Variants in ZNF469 observed in about 807,000 individuals in gnomAD.
ZNF469 encodes the protein zinc finger protein 469.
Under a neutral mutation model 1.0 loss-of-function variants are expected in ZNF469, and 1 was observed. The ratio of observed to expected loss-of-function variants is 1.00; its 90% CI spans 0.35 to 4.73. ZNF469 has a LOEUF of 4.73. Ranked by LOEUF, ZNF469 falls within the 30% of genes most tolerant of loss-of-function variation. The pLI, the probability that ZNF469 is intolerant of heterozygous loss-of-function variation, is 0.16. For missense variants in ZNF469, 6,100 were observed against 5,356.3 expected (o/e 1.14, Z -4.33); for synonymous variants, 2,703 against 2,363.4 (o/e 1.14, Z -4.17).
the ZNF469 span, among the ~76,000 whole-genome samples, chr16:88,359,804 T>G: frequency 6.6e-6 from 1 of 152,358 alleles, no homozygotes; most frequent in South Asian, 2.1e-4. Flanking sequence ...GAAAGAATTC[T>G]ACAGTGATGA....
chr16:88,242,364 G>A, the ZNF469 span, among the ~76,000 whole-genome samples: 4 of 152,334 alleles, frequency 2.6e-5, no homozygotes, highest in African/African-American at 9.6e-5. Context: ...CCGAGTCAGG[G>A]TGCCGGCAAG....
chr16:88,330,114 T>A, the ZNF469 span, among the ~76,000 whole-genome samples: 1 of 152,264 alleles, frequency 6.6e-6, no homozygotes, highest in African/African-American at 2.4e-5. Context: ...CTTCTGACTT[T>A]CGGTTAGAGC....
the ZNF469 span, among the ~76,000 whole-genome samples, chr16:88,164,555 C>T: frequency 6.6e-6 from 1 of 152,128 alleles, no homozygotes; most frequent in East Asian, 1.9e-4. Context: ...GGTATGTGGC[C>T]TGAACCTCGC....
chr16:88,229,689 C>CGT, the ZNF469 span, among the ~76,000 whole-genome samples: 21 of 151,032 alleles, frequency 1.4e-4, no homozygotes, highest in South Asian at 4.2e-3. Context: ...TGATGCCATA[C>CGT]GTGTGGATGT....
the ZNF469 span, among the ~76,000 whole-genome samples, chr16:88,152,338 G>C: frequency 6.6e-6 from 1 of 152,236 alleles, no homozygotes; most frequent in African/African-American, 2.4e-5. The surrounding 1 kb of genome is among the most constrained non-coding windows in gnomAD (Gnocchi z 4.2). Flanking sequence ...ACACGCTCTG[G>C]TTTCCATAGC....
the ZNF469 span, among the ~76,000 whole-genome samples, chr16:88,286,635 A>G: frequency 1.3e-5 from 2 of 152,256 alleles, no homozygotes; most frequent in Non-Finnish European, 2.9e-5. Flanking sequence ...TTCTGCATTC[A>G]GTGCTGACAA....
the ZNF469 span, among the ~76,000 whole-genome samples, chr16:88,290,918 G>C: frequency 2.0e-5 from 3 of 152,182 alleles, no homozygotes; most frequent in Non-Finnish European, 4.4e-5. Flanking sequence ...TCCTGTGTGG[G>C]TTTAAACCCA....
chr16:88,133,856 G>C, the ZNF469 span, among the ~76,000 whole-genome samples: 9 of 152,328 alleles, frequency 5.9e-5, no homozygotes, highest in South Asian at 1.9e-3. Flanking sequence ...CACTGTGGGA[G>C]GCCGAGGCGG....
At chr16:88,179,245 C>G in the ZNF469 span, among the ~76,000 whole-genome samples, 1 of 152,204 alleles carries the variant, frequency 6.6e-6, no homozygotes, top group Non-Finnish European at 1.5e-5. Context: ...GGTCAAGGGT[C>G]AGGTCCCTCA....
rs1455652900 is a variant in ZNF469, at chr16:88,427,931, A to G, written c.461A>G (p.Gln154Arg). The change falls in exon 3 of 3, where the codon CAG becomes CGG. Residue 154 changes from glutamine to arginine, a missense_variant. Physicochemically the swap from Gln to Arg is conservative, Grantham distance 43. Coordinates refer to ENST00000565624, the MANE Select transcript of ZNF469 (RefSeq NM_001367624.2). Reference protein sequence around the residue: ...AAQLPEVDTPQGPGTGAPLRP... With the variant: ...AAQLPEVDTPRGPGTGAPLRP... ...CAGCTCCCTGAGGTGGACACCCCCC[A>G]GGGCCCTGGGACTGGAGCTCCACTC... 11 of 1,549,750 alleles carry G rather than the reference A, an allele frequency of 7.1e-6. No homozygotes were observed. The highest frequency in any genetic ancestry group is 9.6e-6 in the Non-Finnish European group (11 of 1,146,852).
the ZNF469 span, among the ~76,000 whole-genome samples, chr16:88,121,526 G>A: frequency 6.6e-6 from 1 of 152,180 alleles, no homozygotes; most frequent in Non-Finnish European, 1.5e-5. Context: ...TGGCCAGATG[G>A]GCCCTTGAAG....
the ZNF469 span, among the ~76,000 whole-genome samples, chr16:88,159,312 T>C: frequency 6.6e-6 from 1 of 152,072 alleles, no homozygotes. Context: ...CTGCAGATTG[T>C]GGAAAAGATC....
chr16:88,344,670 A>G, the ZNF469 span, among the ~76,000 whole-genome samples: 2 of 152,318 alleles, frequency 1.3e-5, no homozygotes, highest in Admixed American at 1.3e-4. Context: ...GCCTGTGACC[A>G]CAGCTGTGCA....
At chr16:88,169,701 C>T in the ZNF469 span, among the ~76,000 whole-genome samples, 7 of 152,206 alleles carry the variant, frequency 4.6e-5, no homozygotes, top group African/African-American at 9.7e-5. The surrounding 1 kb of genome is among the most constrained non-coding windows in gnomAD (Gnocchi z 6.1). Flanking sequence ...TTACATTGGC[C>T]GTCTGCCCCT....
At chr16:88,121,901 A>G in the ZNF469 span, among the ~76,000 whole-genome samples, 19 of 152,212 alleles carry the variant, frequency 1.2e-4, no homozygotes, top group Non-Finnish European at 1.2e-4. Flanking sequence ...GCGTACAGAG[A>G]TGGTGCGTCC....
In ZNF469 at chr16:88,435,742, C is replaced by T. The variant is rs1303816262; in HGVS notation, c.8272C>T (p.Pro2758Ser). Residue 2758 changes from proline (P) to serine (S), a missense_variant, in exon 3 of 3, where the codon CCA becomes TCA. Pro to Ser is a moderately conservative substitution (Grantham distance 74, BLOSUM62 -1). Transcript: ENST00000565624. ...KGASARGFWG[P>S]RETKALGVCK... ...AGCCTCGGCAAGGGGGTTCTGGGGA[C>T]CAAGAGAGACCAAGGCGTTGGGTGT... 1.9e-6 allele frequency: 3 copies of T among 1,550,654 alleles called. No individual in the cohort carries two copies. Among genetic ancestry groups the T allele is most frequent in the African/African-American group, 2.7e-5 (2 of 73,038 alleles).
chr16:88,178,521 G>A, the ZNF469 span: 16,820 of 152,170 alleles, frequency 0.11, 1,078 homozygotes, highest in African/African-American at 0.19. Context: ...GCTGCCCACC[G>A]CCTCCCACAA....
the ZNF469 span, among the ~76,000 whole-genome samples, chr16:88,349,773 C>T: frequency 7.1e-3 from 292 of 40,840 alleles, no homozygotes; most frequent in African/African-American, 0.022. Context: ...CAATACACAC[C>T]AACACAAGTG....
At chr16:88,325,759 T>G in the ZNF469 span, among the ~76,000 whole-genome samples, 1 of 152,180 alleles carries the variant, frequency 6.6e-6, no homozygotes, top group Non-Finnish European at 1.5e-5. Context: ...ACTCAAATGC[T>G]CCGTGTGACG....
Sources: allele counts gnomAD v4.1 joint callset (sites outside exome capture counted in the v4.1 genomes callset), GRCh38; gene constraint gnomAD v4.1.1; non-coding constraint Gnocchi (gnomAD v3.1); transcripts MANE v1.5; gene names NCBI Gene and HGNC (gene_info 2026-07-23, HGNC 2026-07-21).